The following PIK3C2B variants were observed in gnomAD, a reference collection of about 807,000 sequenced individuals.
PIK3C2B encodes the protein phosphatidylinositol-4-phosphate 3-kinase catalytic subunit type 2 beta.
Under a neutral mutation model 184.3 loss-of-function variants are expected in PIK3C2B, and 83 were observed. The ratio of observed to expected loss-of-function variants is 0.45; its 90% confidence interval spans 0.38 to 0.54. The LOEUF is 0.54. Ranked by LOEUF, PIK3C2B falls within the 20% of genes least tolerant of loss-of-function variation. PIK3C2B has a pLI of 0.00. For synonymous variants in PIK3C2B, 779 were observed against 837.6 expected, an observed-to-expected ratio of 0.93 and a Z score of 1.21; for missense variants, 1,736 against 2,113.5, an observed-to-expected ratio of 0.82 and a Z score of 3.50.
In PIK3C2B at chr1:204,422,920, C is replaced by G. The variant is rs1674564977; in HGVS notation, c.*1932G>C. The G allele has an allele frequency of 6.6e-6, 1 of 152,518 alleles. No homozygotes were observed. Among genetic ancestry groups the G allele is most frequent in the Non-Finnish European group, 1.5e-5 (1 of 68,044 alleles). 9.4% of individuals were successfully genotyped at this position (152,518 alleles called of 1,614,324 possible). A position where few individuals can be genotyped will look rare whatever the true frequency, so the allele number is the denominator to read the frequency against. On this transcript the variant is annotated 3_prime_UTR_variant, in exon 33 of 33. Coordinates refer to ENST00000684373, the MANE Select transcript of PIK3C2B (RefSeq NM_001377334.1). Reference sequence around the variant, plus strand: ...TTTAAACTTCCATGCTGCCCTGTGGCTTCGGTCAATGGAGCTTCTTTCTCC... The same window carrying G: ...TTTAAACTTCCATGCTGCCCTGTGGGTTCGGTCAATGGAGCTTCTTTCTCC...
intron 10 of PIK3C2B, 86 bp from the exon 11 acceptor site, chr1:204,456,137 GC>G: frequency 9.3e-7 from 1 of 1,076,116 alleles, no homozygotes; most frequent in South Asian, 1.7e-5. Context: ...GAATGGGATG[GC>G]CTAAGACAGT....
intron 12 of PIK3C2B, among the ~76,000 whole-genome samples, chr1:204,453,256 G>A (rs1654525094): frequency 6.6e-6 from 1 of 152,098 alleles, no homozygotes; most frequent in Non-Finnish European, 1.5e-5. Flanking sequence ...GGAAGGTAGA[G>A]CATAGCACAG....
intron 31 of PIK3C2B, 66 bp from the exon 32 acceptor site, chr1:204,425,807 T>C: frequency 6.8e-7 from 1 of 1,463,900 alleles, no homozygotes; most frequent in East Asian, 2.3e-5. Flanking sequence ...CCACCATTCC[T>C]GTGATCACAC....
intron 23 of PIK3C2B, 77 bp from the exon 24 acceptor site, chr1:204,434,685 G>A: frequency 6.6e-6 from 8 of 1,216,210 alleles, no homozygotes; most frequent in Non-Finnish European, 9.3e-6. Context: ...CAGCCAGACA[G>A]AACTCAGCCA....
In PIK3C2B at chr1:204,424,630, G is replaced by A; in HGVS notation, c.*222C>T. 2 of 732,040 alleles carry A rather than the reference G, an allele frequency of 2.7e-6. No homozygotes were observed. The highest frequency in any genetic ancestry group is 3.5e-5 in the Admixed American group (2 of 57,862). 45.3% of individuals were successfully genotyped at this position (732,040 alleles called of 1,614,324 possible). Reference sequence around the variant, plus strand: ...TTGCTGCAACCTCACAGCCTCCAAGGGGCTGCTCATCACAACCAACCCAAG... The same window carrying A: ...TTGCTGCAACCTCACAGCCTCCAAGAGGCTGCTCATCACAACCAACCCAAG... On this transcript the variant is annotated 3_prime_UTR_variant, in exon 33 of 33. Transcript: ENST00000684373.
At position 204,424,868 on chromosome 1, in the gene PIK3C2B, C is replaced by T. The variant is rs746061962; in HGVS notation, c.4889G>A (p.Ser1630Asn). 1 of 1,614,024 alleles carries T rather than the reference C, an allele frequency of 6.2e-7. No homozygotes were observed. Among genetic ancestry groups the T allele is most frequent in the East Asian group, 2.2e-5 (1 of 44,884 alleles). The change falls in exon 33 of 33, where the codon AGT becomes AAT. Residue 1630 changes from serine to asparagine, a missense_variant. Physicochemically the swap from Ser to Asn is conservative, Grantham distance 46. Around this residue, in one of 8 missense-constraint regions of PIK3C2B, gnomAD observed 95 missense variants for 164.2 expected, o/e 0.58. Transcript: ENST00000684373. The stretch of plus-strand genomic sequence containing the variant: ...CTGCTGGGCTCACAAGGTGCCATGA[C>T]TTCGAGATCCCAGGGCGAACCAGCC... ...KTGWFALGSR[S>N]HGTL
At chr1:204,443,983 T>C in intron 18 of PIK3C2B, 85 bp downstream of exon 18, 1 of 955,226 alleles carries the variant, frequency 1.0e-6, no homozygotes, top group Non-Finnish European at 1.7e-6. Flanking sequence ...GACAACTCAG[T>C]TCCTTGCCCT....
At chr1:204,475,321 T>G (rs1656631306) in intron 1 of PIK3C2B, among the ~76,000 whole-genome samples, 1 of 152,210 alleles carries the variant, frequency 6.6e-6, no homozygotes, top group South Asian at 2.1e-4. Context: ...TATTTGCTAT[T>G]GGCTCCCAAT....
At position 204,457,786 on chromosome 1, in the gene PIK3C2B, G is replaced by T; in HGVS notation, c.1655C>A (p.Thr552Asn). The T allele has an allele frequency of 6.2e-7, 1 of 1,613,376 alleles. No individual in the cohort carries two copies. ...GGGGGGCAGCTGGTTGAGAGCACTG[G>T]TGATCTCAGGGGTTTCCACGGCGGC... is the stretch of plus-strand genomic sequence containing the variant. ...ALAAVETPEI[T>N]SALNQLPPCP... The change falls in exon 9 of 33, where the codon ACC (threonine) becomes AAC (asparagine). Residue 552 changes from threonine (T) to asparagine (N), a missense_variant. Physicochemically the swap from Thr to Asn is moderately conservative, Grantham distance 65. Around this residue, in one of 8 missense-constraint regions of PIK3C2B, gnomAD observed 609 missense variants for 699.2 expected, o/e 0.87. Coordinates refer to ENST00000684373, the MANE Select transcript of PIK3C2B (RefSeq NM_001377334.1).
At position 204,430,035 on chromosome 1, in the gene PIK3C2B, G is replaced by A. The variant is rs758425903; in HGVS notation, c.4284C>T (p.Phe1428=). 1 of 1,605,244 alleles carries A rather than the reference G, an allele frequency of 6.2e-7. No homozygotes were observed. The highest frequency in any genetic ancestry group is 1.7e-5 in the Admixed American group (1 of 59,982). ...AGCGGCCGATCACGAAGCGACTAGGGAAGCTGGCGTGGCAGCGTAGGCAGC... is the reference window on the plus strand; with the variant it reads ...AGCGGCCGATCACGAAGCGACTAGGAAAGCTGGCGTGGCAGCGTAGGCAGC... ...LLFPSSHLPS[F]PSRFVIGRSR... is the part of the protein sequence containing the mutation. Residue 1428 remains phenylalanine, a synonymous_variant, in exon 29 of 33, where the codon TTC becomes TTT. Transcript: ENST00000684373.
chr1:204,469,288 G>T lies in PIK3C2B; in HGVS notation c.515C>A (p.Pro172His), dbSNP rs1418290314. 4 of 1,544,666 alleles carry T rather than the reference G, an allele frequency of 2.6e-6. No homozygotes were observed. Among genetic ancestry groups the T allele is most frequent in the African/African-American group, 2.7e-5 (2 of 72,818 alleles). The change falls in exon 2 of 33, where the codon CCT (proline) becomes CAT (histidine). Residue 172 changes from proline (P) to histidine (H), a missense_variant. Physicochemically the swap from Pro to His is moderately conservative, Grantham distance 77. Coordinates refer to ENST00000684373, the MANE Select transcript of PIK3C2B (RefSeq NM_001377334.1). ...GGATGAGGGGGACCCCTTTCTGGGAGGCAGGGGAGGGGTATCCCAGATAGA... is the reference window on the plus strand; with the variant it reads ...GGATGAGGGGGACCCCTTTCTGGGATGCAGGGGAGGGGTATCCCAGATAGA... Reference protein sequence around the residue: ...RASIWDTPPLPPRKGSPSSSK... With the variant: ...RASIWDTPPLHPRKGSPSSSK...
intron 29 of PIK3C2B, among the ~76,000 whole-genome samples, chr1:204,428,525 T>C (rs929820793): frequency 1.6e-4 from 25 of 152,148 alleles, no homozygotes; most frequent in African/African-American, 5.8e-4. Flanking sequence ...TGTCTGTAAT[T>C]TACTTTGTTT....
chr1:204,486,268 G>A (rs1016592501), intron 1 of PIK3C2B, among the ~76,000 whole-genome samples: 3 of 151,852 alleles, frequency 2.0e-5, no homozygotes, highest in Non-Finnish European at 2.9e-5. Context: ...GGTGATGCGC[G>A]CCAGTAATCC....
chr1:204,443,168 C>T (rs532821129), intron 19 of PIK3C2B, among the ~76,000 whole-genome samples: 1 of 152,350 alleles, frequency 6.6e-6, no homozygotes, highest in East Asian at 1.9e-4. Context: ...ACAACTTACA[C>T]AACTGTGCTT....
In PIK3C2B at chr1:204,449,259, G is replaced by A. The variant is rs1654147593; in HGVS notation, c.2272C>T (p.Pro758Ser). The A allele has an allele frequency of 6.2e-7, 1 of 1,612,824 alleles. No individual in the cohort carries two copies. Among genetic ancestry groups the A allele is most frequent in the South Asian group, 1.1e-5 (1 of 90,510 alleles). Reference protein sequence around the residue: ...TCGRKLLGLWPATQENPSARW... With the variant: ...TCGRKLLGLWSATQENPSARW... ...GCGCTGGGATTTTCCTGTGTTGCTG[G>A]CCACAAACCCAGAAGCTTCCGGCCA... The change falls in exon 14 of 33, where the codon CCA becomes TCA. Residue 758 changes from proline to serine, a missense_variant. Around this residue, in one of 8 missense-constraint regions of PIK3C2B, gnomAD observed 609 missense variants for 699.2 expected, o/e 0.87. Transcript: ENST00000684373.
intron 10 of PIK3C2B, among the ~76,000 whole-genome samples, chr1:204,456,497 C>T (rs1193189142): frequency 6.6e-6 from 1 of 151,762 alleles, no homozygotes; most frequent in African/African-American, 2.4e-5. Flanking sequence ...CCAGGGATGC[C>T]AAAACAAAAA....
chr1:204,468,108 A>T (rs924413097), intron 2 of PIK3C2B, among the ~76,000 whole-genome samples: 1 of 152,232 alleles, frequency 6.6e-6, no homozygotes. Flanking sequence ...AAATATTTTC[A>T]TTGTGAGAAG....
In PIK3C2B at chr1:204,464,034, C is replaced by T. The variant is rs774307765; in HGVS notation, c.1288G>A (p.Gly430Arg). 6 of 1,614,148 alleles carry T rather than the reference C, an allele frequency of 3.7e-6. No homozygotes were observed. Among genetic ancestry groups the T allele is most frequent in the African/African-American group, 1.3e-5 (1 of 75,042 alleles). ...CACTTCTGCAGGAACTCCTCCAGCC[C>T]GCAGGGCTTTAGCACAAAGTCACCC... ...DVGDFVLKPC[G>R]LEEFLQNKHA... is the part of the protein sequence containing the mutation. Residue 430 changes from glycine to arginine, a missense_variant, in exon 5 of 33, where the codon GGG becomes AGG. Physicochemically the swap from Gly to Arg is moderately radical, Grantham distance 125. Coordinates refer to ENST00000684373, the MANE Select transcript of PIK3C2B (RefSeq NM_001377334.1).
intron 1 of PIK3C2B, among the ~76,000 whole-genome samples, chr1:204,492,346 C>T (rs2102237343): frequency 6.6e-6 from 1 of 152,280 alleles, no homozygotes; most frequent in East Asian, 1.9e-4. Context: ...AAGAAAGTCA[C>T]ACCAAGACAC....
Sources: gnomAD v4.1 joint callset for allele counts (sites outside exome capture counted in the v4.1 genomes callset) on GRCh38, gnomAD v4.1.1 for gene constraint, gnomAD v4.1.1 regional missense constraint, MANE v1.5 for transcripts, NCBI Gene and HGNC (gene_info 2026-07-23, HGNC 2026-07-21) for gene names.